PAK5: variants seen among roughly 807,000 people sequenced by gnomAD.
PAK5 encodes the protein serine/threonine-protein kinase PAK 5.
A neutral mutation model predicts 65.9 loss-of-function variants in PAK5; 16 were observed. The ratio of observed to expected loss-of-function variants is 0.24; its 90% confidence interval spans 0.16 to 0.37. PAK5 has a LOEUF of 0.37. PAK5 is among the 10% of genes least tolerant of loss of function. The pLI is 1.00. For missense variants in PAK5, 785 were observed against 903.9 expected (o/e 0.87, Z 1.69); for synonymous variants, 371 against 354.9 (o/e 1.05, Z -0.51).
At chr20:9,623,153 C>A (rs536959841) in intron 3 of PAK5, among the ~76,000 whole-genome samples, 1 of 152,202 alleles carries the variant, frequency 6.6e-6, no homozygotes, top group African/African-American at 2.4e-5. Flanking sequence ...AGACATTTTT[C>A]TAATTGTCTC....
At chr20:9,581,716 C>T (rs1278506841) in intron 3 of PAK5, among the ~76,000 whole-genome samples, 2 of 152,066 alleles carry the variant, frequency 1.3e-5, no homozygotes, top group African/African-American at 4.8e-5. Flanking sequence ...CTAAATAACA[C>T]AAGAATACCA....
chr20:9,808,746 G>T (rs1393432585), intron 1 of PAK5, among the ~76,000 whole-genome samples: 1 of 152,136 alleles, frequency 6.6e-6, no homozygotes, highest in Non-Finnish European at 1.5e-5. Context: ...GGAAAATAGG[G>T]GATGCTTTCT....
At chr20:9,544,001 T>G (rs1414201349) in intron 8 of PAK5, among the ~76,000 whole-genome samples, 1 of 152,228 alleles carries the variant, frequency 6.6e-6, no homozygotes, top group Non-Finnish European at 1.5e-5. Flanking sequence ...TTGATCCTCT[T>G]TCCTTTCTCT....
At chr20:9,596,564 A>G (rs2046270642) in intron 3 of PAK5, among the ~76,000 whole-genome samples, 1 of 136,612 alleles carries the variant, frequency 7.3e-6, no homozygotes, top group Admixed American at 8.3e-5. Context: ...TGAACCCAGG[A>G]GGCGGAGCTT....
chr20:9,704,584 A>T (rs1199762947), intron 2 of PAK5, among the ~76,000 whole-genome samples: 1 of 152,138 alleles, frequency 6.6e-6, no homozygotes, highest in Non-Finnish European at 1.5e-5. Context: ...TCAAATTCCA[A>T]AATCCTATCT....
At chr20:9,690,260 T>C (rs534971357) in intron 2 of PAK5, among the ~76,000 whole-genome samples, 1 of 151,990 alleles carries the variant, frequency 6.6e-6, no homozygotes, top group East Asian at 1.9e-4. Flanking sequence ...CCATGTGGGG[T>C]GTGTAGTGGC....
intron 1 of PAK5, among the ~76,000 whole-genome samples, chr20:9,757,189 C>G (rs2048644607): frequency 6.6e-6 from 1 of 151,900 alleles, no homozygotes; most frequent in South Asian, 2.1e-4. Context: ...AATCCTTTCT[C>G]AGGGTCTACT....
intron 2 of PAK5, among the ~76,000 whole-genome samples, chr20:9,669,359 C>T (rs2047462382): frequency 6.6e-6 from 1 of 152,112 alleles, no homozygotes; most frequent in African/African-American, 2.4e-5. Flanking sequence ...CTAGAAATAT[C>T]TTAAAGAAAC....
intron 2 of PAK5, among the ~76,000 whole-genome samples, chr20:9,676,023 G>A (rs1168598143): frequency 6.6e-6 from 1 of 152,126 alleles, no homozygotes; most frequent in Non-Finnish European, 1.5e-5. Context: ...AAAAGAAAGA[G>A]GTTTAATTGG....
At chr20:9,694,281 T>A (rs980198443) in intron 2 of PAK5, among the ~76,000 whole-genome samples, 18 of 149,570 alleles carry the variant, frequency 1.2e-4, no homozygotes, top group African/African-American at 4.4e-4. Context: ...AGTAGTGAGA[T>A]ACAGTGATGG....
chr20:9,552,022 T>C (rs1272692800), intron 7 of PAK5, among the ~76,000 whole-genome samples: 1 of 152,206 alleles, frequency 6.6e-6, no homozygotes, highest in Non-Finnish European at 1.5e-5. Context: ...CAACGGCATT[T>C]GCTGTGGTAC....
At chr20:9,564,304 A>G (rs1285519538) in intron 5 of PAK5, among the ~76,000 whole-genome samples, 1 of 152,244 alleles carries the variant, frequency 6.6e-6, no homozygotes, top group African/African-American at 2.4e-5. Flanking sequence ...AGTGGAAGGT[A>G]AACATTAAAG....
chr20:9,555,260 T>C (rs559682801), intron 7 of PAK5, among the ~76,000 whole-genome samples: 1 of 152,174 alleles, frequency 6.6e-6, no homozygotes, highest in Non-Finnish European at 1.5e-5. Flanking sequence ...TCTATTTATG[T>C]GAGCTCTTTA....
chr20:9,694,749 A>G (rs1304301159), intron 2 of PAK5, among the ~76,000 whole-genome samples: 5 of 152,096 alleles, frequency 3.3e-5, no homozygotes, highest in Non-Finnish European at 4.4e-5. Context: ...ATTGCTGTCT[A>G]GTATATCATA....
intron 1 of PAK5, among the ~76,000 whole-genome samples, chr20:9,771,404 TAAAA>T (rs372717784): frequency 0.062 from 9,221 of 149,232 alleles, 947 homozygotes; most frequent in African/African-American, 0.21. Flanking sequence ...ATCTATAATT[TAAAA>T]AAATTTTTTT....
chr20:9,758,827 C>G (rs1443193263), intron 1 of PAK5, among the ~76,000 whole-genome samples: 1 of 152,134 alleles, frequency 6.6e-6, no homozygotes, highest in Non-Finnish European at 1.5e-5. Flanking sequence ...GTGACATCCA[C>G]AGGCTCCCTT....
At chr20:9,746,448 C>A (rs1223846326) in intron 1 of PAK5, among the ~76,000 whole-genome samples, 2 of 151,862 alleles carry the variant, frequency 1.3e-5, no homozygotes, top group African/African-American at 4.8e-5. Flanking sequence ...ACAATATATA[C>A]AACATACTAC....
At chr20:9,559,740 C>G (rs745647942) in intron 6 of PAK5, among the ~76,000 whole-genome samples, 1 of 151,742 alleles carries the variant, frequency 6.6e-6, no homozygotes, top group Non-Finnish European at 1.5e-5. Context: ...TCCAGCTAGG[C>G]GACAGAGTGA....
rs1188412623 is a variant in PAK5 at position 9,598,243 on chromosome 20, G to T, written c.205-17313C>A. On this transcript the variant is annotated intron_variant, in intron 3 of 9. Coordinates refer to ENST00000353224, the MANE Select transcript of PAK5 (RefSeq NM_177990.4). ...TGTGTTCCTGTGTTAGTTTGCTGAG[G>T]ATGATGGCTTCCAGCTTCATCCATG... Among the ~76,000 whole-genome samples, 4 of 152,186 alleles carry T rather than the reference G, an allele frequency of 2.6e-5. 1 individual carries two copies. Among genetic ancestry groups the T allele is most frequent in the Non-Finnish European group, 5.9e-5 (4 of 68,038 alleles).
Sources: allele counts gnomAD v4.1 joint callset (sites outside exome capture counted in the v4.1 genomes callset), GRCh38; gene constraint gnomAD v4.1.1; transcripts MANE v1.5; gene names NCBI Gene and HGNC (gene_info 2026-07-23, HGNC 2026-07-21).